The following RBFOX1 variants were observed in gnomAD, a reference collection of about 807,000 sequenced individuals.
RBFOX1 encodes RNA binding fox-1 homolog 1.
RBFOX1 carries 8 observed loss-of-function variants against 57.7 expected under a neutral mutation model. The observed-to-expected ratio is 0.14, with a 90% CI of 0.08 to 0.25. The LOEUF (loss-of-function observed/expected upper bound fraction) is 0.25. Among genes scored for constraint, RBFOX1 ranks in the 10% least tolerant of loss-of-function variants. RBFOX1 has a pLI of 1.00. For synonymous variants in RBFOX1, 326 were observed against 222.4 expected, an observed-to-expected ratio of 1.47 and a Z score of -4.15; for missense variants, 611 against 548.5, an observed-to-expected ratio of 1.11 and a Z score of -1.14.
intron 3 of RBFOX1, among the ~76,000 whole-genome samples, chr16:6,838,107 C>G (rs1297213279): frequency 6.6e-6 from 1 of 151,978 alleles, no homozygotes; most frequent in Admixed American, 6.6e-5. Flanking sequence ...GTTTGCTGCA[C>G]CTATCAACCT....
At chr16:6,544,830 C>T (rs1357353657) in intron 2 of RBFOX1, among the ~76,000 whole-genome samples, 15 of 152,134 alleles carry the variant, frequency 9.9e-5, no homozygotes, top group Admixed American at 9.8e-4. Flanking sequence ...GTACCCACGA[C>T]CAGTGATATT....
Position 7,365,093 on chromosome 16 carries a change from C to T in RBFOX1, c.28-153054C>T, listed in dbSNP as rs559857613. On this transcript the variant is annotated intron_variant, in intron 4 of 15. Transcript: ENST00000550418. ...TTCGTCTATCTATCTATCTATCCAT[C>T]CATCTATCCATCCCAATACAAACCA... is the stretch of plus-strand genomic sequence containing the variant. 1.3e-3 allele frequency among the ~76,000 whole-genome samples: 193 copies of T among 152,268 alleles called. 1 individual carries two copies. Among genetic ancestry groups the T allele is most frequent in the African/African-American group, 4.3e-3 (178 of 41,560 alleles).
chr16:6,601,384 T>A (rs2097851045), intron 2 of RBFOX1, among the ~76,000 whole-genome samples: 1 of 152,050 alleles, frequency 6.6e-6, no homozygotes, highest in Admixed American at 6.6e-5. Flanking sequence ...AAGGTGAGAG[T>A]TACGGTGCTT....
intron 1 of RBFOX1, among the ~76,000 whole-genome samples, chr16:5,429,560 T>A (rs1175568226): frequency 6.6e-6 from 1 of 152,086 alleles, no homozygotes; most frequent in Admixed American, 6.5e-5. Context: ...CGATAACAGC[T>A]CCAGGCTTCC....
chr16:6,392,434 C>G (rs954135233), intron 2 of RBFOX1, among the ~76,000 whole-genome samples: 1 of 152,072 alleles, frequency 6.6e-6, no homozygotes, highest in African/African-American at 2.4e-5. Context: ...CTAGAGGTAA[C>G]AAATTCAAGA....
At chr16:5,883,137 T>G (rs1232504261) in intron 4 of RBFOX1, among the ~76,000 whole-genome samples, 1 of 152,188 alleles carries the variant, frequency 6.6e-6, no homozygotes, top group Non-Finnish European at 1.5e-5. Context: ...TTATATTCCC[T>G]CCATTCTTAG....
chr16:6,487,068 T>C (rs1192933703), intron 2 of RBFOX1, among the ~76,000 whole-genome samples: 2 of 151,894 alleles, frequency 1.3e-5, no homozygotes, highest in African/African-American at 4.8e-5. Context: ...TCCCAAACAG[T>C]TTTCAGGGTG....
chr16:7,625,863 C>G (rs917515353), intron 10 of RBFOX1, among the ~76,000 whole-genome samples: 6 of 152,202 alleles, frequency 3.9e-5, no homozygotes, highest in African/African-American at 1.4e-4. Context: ...TGGATTCTCA[C>G]TTCATTTGCT....
chr16:5,307,633 TAC>T (rs1315279767), intron 1 of RBFOX1, among the ~76,000 whole-genome samples: 1 of 152,180 alleles, frequency 6.6e-6, no homozygotes, highest in African/African-American at 2.4e-5. Flanking sequence ...CATGTGCACA[TAC>T]ACACATGTCT....
intron 4 of RBFOX1, among the ~76,000 whole-genome samples, chr16:7,294,280 A>C (rs2095849192): frequency 6.6e-6 from 1 of 151,610 alleles, no homozygotes; most frequent in Non-Finnish European, 1.5e-5. Flanking sequence ...CTGGAAACAG[A>C]CTCCCACCCT....
At chr16:6,684,711 T>C (rs1161451740) in intron 3 of RBFOX1, among the ~76,000 whole-genome samples, 1 of 152,156 alleles carries the variant, frequency 6.6e-6, no homozygotes, top group Non-Finnish European at 1.5e-5. Context: ...TCACCTTAAA[T>C]TGTGCATGAG....
chr16:7,302,137 C>T (rs12102650), intron 4 of RBFOX1, among the ~76,000 whole-genome samples: 88 of 152,242 alleles, frequency 5.8e-4, no homozygotes, highest in African/African-American at 2.1e-3. Context: ...AAGGGTTAAA[C>T]ATGCTACTGT....
intron 3 of RBFOX1, among the ~76,000 whole-genome samples, chr16:6,662,655 A>T (rs1325832300): frequency 3.3e-5 from 5 of 152,090 alleles, no homozygotes; most frequent in African/African-American, 9.7e-5. Context: ...GGTTGGTTAA[A>T]AAAAAAAGAA....
At chr16:5,541,159 A>G (rs1331137402) in intron 2 of RBFOX1, among the ~76,000 whole-genome samples, 1 of 152,108 alleles carries the variant, frequency 6.6e-6, no homozygotes, top group Non-Finnish European at 1.5e-5. Flanking sequence ...CTGAATCTGC[A>G]TTTTTAAGAA....
chr16:7,200,345 G>A (rs11640225), intron 4 of RBFOX1, among the ~76,000 whole-genome samples: 44,162 of 152,110 alleles, frequency 0.29, 6,630 homozygotes, highest in Non-Finnish European at 0.32. Flanking sequence ...TTATGGAAGA[G>A]CCTGAATGTG....
chr16:6,408,828 A>G (rs2093368513), intron 2 of RBFOX1, among the ~76,000 whole-genome samples: 1 of 152,206 alleles, frequency 6.6e-6, no homozygotes, highest in East Asian at 1.9e-4. Flanking sequence ...CAGTCCTAAA[A>G]ATGACCCATC....
chr16:6,877,992 G>C (rs1190952700), intron 3 of RBFOX1, among the ~76,000 whole-genome samples: 1 of 152,134 alleles, frequency 6.6e-6, no homozygotes, highest in East Asian at 1.9e-4. Flanking sequence ...GAGTCATTGT[G>C]CTTAAGCATA....
At chr16:7,476,967 T>C (rs1427385795) in intron 4 of RBFOX1, among the ~76,000 whole-genome samples, 1 of 152,176 alleles carries the variant, frequency 6.6e-6, no homozygotes, top group Non-Finnish European at 1.5e-5. Context: ...ATAGTGCAAT[T>C]GCATTGGTGT....
chr16:6,995,834 TG>T (rs1370500527), intron 3 of RBFOX1, among the ~76,000 whole-genome samples: 1 of 152,160 alleles, frequency 6.6e-6, no homozygotes, highest in Non-Finnish European at 1.5e-5. Flanking sequence ...CACTTGAGAT[TG>T]GTTCAGATTT....
Sources: allele counts gnomAD v4.1 joint callset (sites outside exome capture counted in the v4.1 genomes callset), GRCh38; gene constraint gnomAD v4.1.1; transcripts MANE v1.5; gene names NCBI Gene and HGNC (gene_info 2026-07-23, HGNC 2026-07-21).